The following ADGRD1 variants were observed in gnomAD, a reference collection of about 807,000 sequenced individuals.
ADGRD1 encodes the protein adhesion G protein-coupled receptor D1.
A neutral mutation model predicts 113.4 loss-of-function variants in ADGRD1; 77 were observed. The observed-to-expected ratio is 0.68, with a 90% CI of 0.57 to 0.82. The LOEUF is 0.82. ADGRD1 is among the 40% of genes least tolerant of loss of function. The pLI, the probability that ADGRD1 is intolerant of heterozygous loss-of-function variation, is 0.00. For synonymous variants in ADGRD1, 474 were observed against 475.0 expected (o/e 1.00, Z 0.03); for missense variants, 1,036 against 1,139.1 (o/e 0.91, Z 1.30).
intron 18 of ADGRD1, among the ~76,000 whole-genome samples, chr12:131,110,558 G>A (rs990113482): frequency 2.0e-5 from 3 of 152,016 alleles, no homozygotes; most frequent in Non-Finnish European, 4.4e-5. Context: ...ATACATTTTT[G>A]TAACTATTTC....
chr12:131,058,632 G>A (rs1037503859), intron 13 of ADGRD1, among the ~76,000 whole-genome samples: 6 of 152,050 alleles, frequency 3.9e-5, no homozygotes, highest in African/African-American at 1.2e-4. Flanking sequence ...GGGTATTTTC[G>A]CTGGACATAG....
chr12:131,108,627 G>A, intron 17 of ADGRD1, 97 bp from the exon 18 acceptor site: 1 of 1,543,810 alleles, frequency 6.5e-7, no homozygotes, highest in South Asian at 1.2e-5. Flanking sequence ...ATGACCAAAA[G>A]ACCACCCAGG....
At chr12:131,042,534 C>T (rs1882239966) in intron 13 of ADGRD1, among the ~76,000 whole-genome samples, 3 of 152,246 alleles carry the variant, frequency 2.0e-5, no homozygotes, top group African/African-American at 2.4e-5. Flanking sequence ...CATGTCTATA[C>T]GTCCTCCACT....
chr12:131,078,593 A>G (rs7957690), intron 14 of ADGRD1, among the ~76,000 whole-genome samples: 131,676 of 152,266 alleles, frequency 0.86, 57,654 homozygotes, highest in East Asian at 1. Context: ...TGGCATGTTG[A>G]TTCTTATTTT....
At chr12:131,011,968 C>T (rs541322165) in intron 12 of ADGRD1, among the ~76,000 whole-genome samples, 39 of 152,286 alleles carry the variant, frequency 2.6e-4, no homozygotes, top group Admixed American at 8.5e-4. Context: ...CTTGGTCCCC[C>T]CCAACTTTCT....
chr12:131,062,598 G>A (rs1305959488), intron 13 of ADGRD1, among the ~76,000 whole-genome samples: 1 of 152,084 alleles, frequency 6.6e-6, no homozygotes, highest in East Asian at 1.9e-4. Context: ...CGTCTCTTGA[G>A]ATCTGATGGT....
chr12:131,120,608 T>A (rs1186963644), intron 19 of ADGRD1: 4 of 597,438 alleles, frequency 6.7e-6, no homozygotes, highest in Non-Finnish European at 1.2e-5. Flanking sequence ...ATTCTGGATT[T>A]TGGCTAAACT....
chr12:131,041,998 CGAG>C lies in ADGRD1; in HGVS notation c.1473+27662_1473+27664del, dbSNP rs552509254. 8.5e-5 allele frequency among the ~76,000 whole-genome samples: 13 copies of C among 152,306 alleles called. No homozygotes were observed. The South Asian group carries it at 2.7e-3, about 32-fold the overall frequency. On this transcript the variant is annotated intron_variant, in intron 13 of 24. Transcript: ENST00000261654. This position sits in a 1 kb window ranked among gnomAD's most constrained non-coding sequence, Gnocchi z 4.4. ...CAGTCGGGTTTGTTATCCGAGTCCC[CGAG>C]GAGAAGGCACCATGTGTCCTTGGAC...
chr12:131,135,152 G>C (rs1951042081), intron 21 of ADGRD1, among the ~76,000 whole-genome samples: 1 of 152,232 alleles, frequency 6.6e-6, no homozygotes, highest in Non-Finnish European at 1.5e-5. Context: ...CTTTGAGGCA[G>C]GCAGCTGGTG....
chr12:131,118,353 A>T (rs1252562924), intron 18 of ADGRD1, 32 bp from the exon 19 acceptor site: 1 of 1,559,276 alleles, frequency 6.4e-7, no homozygotes, highest in South Asian at 1.2e-5. Flanking sequence ...AAACTGGAGC[A>T]AGTGAACATG....
intron 12 of ADGRD1, among the ~76,000 whole-genome samples, chr12:131,012,414 G>A (rs1232890679): frequency 1.3e-5 from 2 of 152,090 alleles, no homozygotes; most frequent in South Asian, 4.1e-4. Flanking sequence ...CCTGAGAATC[G>A]ATGACCCTGG....
intron 20 of ADGRD1, 39 bp from the exon 21 acceptor site, chr12:131,131,686 C>T (rs752517936): frequency 1.4e-6 from 2 of 1,433,828 alleles, no homozygotes; most frequent in Non-Finnish European, 2.0e-6. Context: ...CAGGTGCAGC[C>T]CAGGCCCCCC....
chr12:130,974,025 G>A (rs1872011733), intron 4 of ADGRD1, among the ~76,000 whole-genome samples: 1 of 152,196 alleles, frequency 6.6e-6, no homozygotes, highest in African/African-American at 2.4e-5. Context: ...AGACGCAGAG[G>A]GTAGGTGGGG....
chr12:131,003,091 G>T lies in ADGRD1; in HGVS notation c.1027-94G>T. Reference sequence around the variant, plus strand: ...CTTCTTCCTCCCTCGTGGCCAACGTGGGGAAACTTGATTTTGTGTGCCTGG... The same window carrying T: ...CTTCTTCCTCCCTCGTGGCCAACGTTGGGAAACTTGATTTTGTGTGCCTGG... On this transcript the variant is annotated intron_variant, in intron 9 of 24. Coordinates refer to ENST00000261654, the MANE Select transcript of ADGRD1 (RefSeq NM_198827.5). The surrounding 1 kb of genome is among the most constrained non-coding windows in gnomAD (Gnocchi z 4.8). The T allele has an allele frequency of 9.9e-7, 1 of 1,014,388 alleles. No homozygotes were observed. The highest frequency in any genetic ancestry group is 1.6e-6 in the Non-Finnish European group (1 of 640,488). 62.8% of individuals were successfully genotyped at this position (1,014,388 alleles called of 1,614,324 possible).
Position 131,008,267 on chromosome 12 carries a change from G to A in ADGRD1, c.1331+2220G>A, listed in dbSNP as rs189237775. 1.5e-3 allele frequency among the ~76,000 whole-genome samples: 228 copies of A among 152,378 alleles called. 1 individual carries two copies. The highest frequency in any genetic ancestry group is 4.9e-3 in the African/African-American group (202 of 41,588). On this transcript the variant is annotated intron_variant, in intron 12 of 24. Transcript: ENST00000261654. ...CAAATCCTGGGCACGATGAGAAGCA[G>A]GTTAGTGCAGCTGCCGTGCGGGCAG... is the stretch of plus-strand genomic sequence containing the variant.
chr12:130,971,599 C>T lies in ADGRD1; in HGVS notation c.310+19C>T, dbSNP rs375811226. On this transcript the variant is annotated intron_variant, in intron 4 of 24. Transcript: ENST00000261654. This position sits in a 1 kb window ranked among gnomAD's most constrained non-coding sequence, Gnocchi z 4.2. The stretch of plus-strand genomic sequence containing the variant: ...CCTGAAGGTGAGTGGCTGATCCCTG[C>T]GGCATCTTTGTCAAGCATTTCATTC... 87 of 1,584,950 alleles carry T rather than the reference C, an allele frequency of 5.5e-5. No homozygotes were observed. The highest frequency in any genetic ancestry group is 1.8e-4 in the Middle Eastern group (1 of 5,668).
At chr12:130,959,168 C>T (rs991911306) in intron 2 of ADGRD1, among the ~76,000 whole-genome samples, 5 of 152,218 alleles carry the variant, frequency 3.3e-5, no homozygotes, top group African/African-American at 7.2e-5. Flanking sequence ...CTTTCCACCA[C>T]GGCCACACCA....
At chr12:130,988,321 GTTTC>G (rs36092066) in intron 6 of ADGRD1, 13,646 of 152,018 alleles carry the variant, frequency 0.09, 792 homozygotes, top group Middle Eastern at 0.15. Flanking sequence ...TCCCCAATGG[GTTTC>G]TTTATTTCCA....
intron 11 of ADGRD1, among the ~76,000 whole-genome samples, chr12:131,005,736 C>T (rs1237179849): frequency 1.3e-5 from 1 of 77,182 alleles, no homozygotes; most frequent in African/African-American, 7.0e-5. Flanking sequence ...GGGGTTTCAG[C>T]CTCCACATGT....
Sources: gnomAD v4.1 joint callset for allele counts (sites outside exome capture counted in the v4.1 genomes callset) on GRCh38, gnomAD v4.1.1 for gene constraint, Gnocchi (gnomAD v3.1) non-coding constraint, MANE v1.5 for transcripts, NCBI Gene and HGNC (gene_info 2026-07-23, HGNC 2026-07-21) for gene names.